The following OPRM1 variants were observed in gnomAD, a reference collection of about 807,000 sequenced individuals.
OPRM1 encodes mu-type opioid receptor.
In OPRM1, 27 loss-of-function variants were observed where a neutral mutation model predicts 31.8. The ratio of observed to expected loss-of-function variants is 0.85; its 90% CI spans 0.63 to 1.17. The LOEUF (loss-of-function observed/expected upper bound fraction) is 1.17, where lower values mean the gene tolerates loss of function less well. OPRM1 is among the 50% of genes most tolerant of loss of function. OPRM1 has a pLI of 0.00. For missense variants in OPRM1, 536 were observed against 511.1 expected (o/e 1.05, Z -0.47); for synonymous variants, 196 against 189.9 (o/e 1.03, Z -0.26).
chr6:154,019,161 G>A (rs1450189313), intron 1 of OPRM1, among the ~76,000 whole-genome samples: 1 of 145,642 alleles, frequency 6.9e-6, no homozygotes, highest in Admixed American at 6.9e-5. Flanking sequence ...AATTATGATT[G>A]ACTGTAGTCA....
At chr6:154,085,994 C>T (rs888314861) in intron 1 of OPRM1, among the ~76,000 whole-genome samples, 10 of 148,400 alleles carry the variant, frequency 6.7e-5, no homozygotes, top group African/African-American at 2.5e-4. Flanking sequence ...ATTGCAGGTG[C>T]CTGCCACCAC....
chr6:154,072,987 A>G (rs1787119188), intron 1 of OPRM1, among the ~76,000 whole-genome samples: 1 of 152,222 alleles, frequency 6.6e-6, no homozygotes. Flanking sequence ...GGAGAAAGCT[A>G]TATATATCCT....
intron 3 of OPRM1, chr6:154,199,777 T>C: frequency 6.2e-7 from 1 of 1,614,248 alleles, no homozygotes; most frequent in Non-Finnish European, 8.5e-7. Context: ...AAAATCCACT[T>C]TCTGATGTGA....
At chr6:154,197,476 GA>G (rs201462405) in intron 3 of OPRM1, among the ~76,000 whole-genome samples, 1 of 151,810 alleles carries the variant, frequency 6.6e-6, no homozygotes, top group Non-Finnish European at 1.5e-5. Flanking sequence ...ATCAATGAGA[GA>G]AAAAAAATAC....
Position 154,128,041 on chromosome 6 carries a change from ACCG to A in OPRM1, c.*9322_*9324del, listed in dbSNP as rs1797691815. Among the ~76,000 whole-genome samples, 1 of 152,206 alleles carries A rather than the reference ACCG, an allele frequency of 6.6e-6. No homozygotes were observed. On this transcript the variant is annotated 3_prime_UTR_variant, in exon 4 of 4. Coordinates refer to ENST00000330432, the MANE Select transcript of OPRM1 (RefSeq NM_000914.5). ...CAGCTGAGTACTTTCCATGCAAGCT[ACCG>A]CATCTGTATAAATTAGGTTCAAATA...
At chr6:154,167,098 G>A (rs1239810734) in intron 3 of OPRM1, among the ~76,000 whole-genome samples, 1 of 152,148 alleles carries the variant, frequency 6.6e-6, no homozygotes, top group African/African-American at 2.4e-5. Context: ...CCTGGAAAAT[G>A]ACTTAAGTTC....
chr6:154,053,838 T>C (rs987461813), intron 1 of OPRM1, among the ~76,000 whole-genome samples: 2 of 152,204 alleles, frequency 1.3e-5, no homozygotes, highest in Admixed American at 1.3e-4. Context: ...CTGGGTGACA[T>C]AGAGTCCACT....
At chr6:154,061,349 T>A (rs936491071) in intron 1 of OPRM1, among the ~76,000 whole-genome samples, 4 of 152,180 alleles carry the variant, frequency 2.6e-5, no homozygotes, top group African/African-American at 9.7e-5. Context: ...CTGTAACATC[T>A]AACACACCAT....
chr6:154,234,906 G>A (rs1031877067), intron 3 of OPRM1, among the ~76,000 whole-genome samples: 11 of 152,202 alleles, frequency 7.2e-5, no homozygotes, highest in African/African-American at 1.9e-4. Flanking sequence ...GTCCTCTGCC[G>A]TGTAAAATCC....
intron 3 of OPRM1, among the ~76,000 whole-genome samples, chr6:154,166,520 C>T (rs534846769): frequency 4.6e-5 from 7 of 152,346 alleles, no homozygotes; most frequent in African/African-American, 7.2e-5. Flanking sequence ...TCCTGACTCA[C>T]GGATTTCGTG....
At chr6:154,088,742 A>G (rs1174105595) in intron 1 of OPRM1, among the ~76,000 whole-genome samples, 1 of 152,122 alleles carries the variant, frequency 6.6e-6, no homozygotes, top group Non-Finnish European at 1.5e-5. Context: ...CAAAGCAAAC[A>G]CACTTGGGTT....
At chr6:154,026,458 A>G (rs191049152) in intron 1 of OPRM1, among the ~76,000 whole-genome samples, 160 of 152,172 alleles carry the variant, frequency 1.1e-3, no homozygotes, top group Non-Finnish European at 1.6e-3. Context: ...ACCCTCTTAT[A>G]CTTAAATATT....
chr6:154,010,966 A>G lies in OPRM1; in HGVS notation c.-53A>G, dbSNP rs1471631573. On this transcript the variant is annotated 5_prime_UTR_variant, in exon 1 of 6. Coordinates refer to the OPRM1 transcript ENST00000434900. ...GCACAGAACTCTGATATCCTCTCAC[A>G]CTGTGGCAGGAGAAGCAGCACAAGG... 1.3e-5 allele frequency: 17 copies of G among 1,294,852 alleles called. No homozygotes were observed. The East Asian group carries it at 8.2e-4, about 62-fold the overall frequency. The allele number at this position is 1,294,852 out of a possible 1,614,324, so 80.2% of individuals were successfully genotyped here. A position where few individuals can be genotyped will look rare whatever the true frequency, so the allele number is the denominator to read the frequency against.
At chr6:154,209,374 A>C (rs932885934) in intron 3 of OPRM1, among the ~76,000 whole-genome samples, 3 of 152,160 alleles carry the variant, frequency 2.0e-5, no homozygotes, top group Non-Finnish European at 4.4e-5. Flanking sequence ...GCTATGACTG[A>C]GTGCAGTGGC....
chr6:154,047,813 A>G (rs2128410456), intron 1 of OPRM1, among the ~76,000 whole-genome samples: 1 of 152,298 alleles, frequency 6.6e-6, no homozygotes, highest in Non-Finnish European at 1.5e-5. Flanking sequence ...ATAACAAAGT[A>G]CCATAGCCTG....
chr6:154,062,442 A>C (rs1784600421), intron 1 of OPRM1, among the ~76,000 whole-genome samples: 2 of 152,094 alleles, frequency 1.3e-5, no homozygotes, highest in African/African-American at 4.8e-5. Flanking sequence ...CAGGCTTTAA[A>C]AACTAATGGG....
chr6:154,040,313 T>C (rs1562387974), intron 1 of OPRM1, among the ~76,000 whole-genome samples: 1 of 152,082 alleles, frequency 6.6e-6, no homozygotes, highest in Non-Finnish European at 1.5e-5. Flanking sequence ...GTCTTCTCAA[T>C]TGTTTTGAGA....
At chr6:154,195,147 C>CT (rs10719288) in intron 3 of OPRM1, among the ~76,000 whole-genome samples, 12,915 of 122,888 alleles carry the variant, frequency 0.11, 1,213 homozygotes, top group African/African-American at 0.22. Flanking sequence ...TCTTTTCTTT[C>CT]TTTTTTTTTT....
chr6:154,204,153 C>T (rs1237807239), intron 3 of OPRM1, among the ~76,000 whole-genome samples: 1 of 152,158 alleles, frequency 6.6e-6, no homozygotes, highest in Non-Finnish European at 1.5e-5. Context: ...AAGATTAATA[C>T]TGATTTTTCC....
Sources: allele counts gnomAD v4.1 joint callset (sites outside exome capture counted in the v4.1 genomes callset), GRCh38; gene constraint gnomAD v4.1.1; transcripts MANE v1.5; gene names NCBI Gene and HGNC (gene_info 2026-07-23, HGNC 2026-07-21).